Variants in HCN1 observed in about 807,000 individuals in gnomAD.
The protein encoded by HCN1 is hyperpolarization activated cyclic nucleotide gated potassium channel 1, also known as potassium/sodium hyperpolarization-activated cyclic nucleotide-gated channel 1.
A neutral mutation model predicts 78.9 loss-of-function variants in HCN1; 13 were observed. The observed-to-expected ratio is 0.16, with a 90% confidence interval of 0.11 to 0.26. The LOEUF (loss-of-function observed/expected upper bound fraction) is 0.26. Among genes scored for constraint, HCN1 ranks in the 10% least tolerant of loss-of-function variants. The pLI is 1.00. For missense variants in HCN1, 810 were observed against 1,154.3 expected (o/e 0.70, Z 4.32); for synonymous variants, 552 against 455.5 (o/e 1.21, Z -2.70).
At chr5:45,314,622 G>A (rs977903916) in intron 5 of HCN1, among the ~76,000 whole-genome samples, 3 of 152,084 alleles carry the variant, frequency 2.0e-5, no homozygotes, top group African/African-American at 7.2e-5. Flanking sequence ...ACCCATTAAT[G>A]TGCTGTGTTC....
intron 6 of HCN1, among the ~76,000 whole-genome samples, chr5:45,288,704 A>G (rs1745316084): frequency 6.6e-6 from 1 of 152,086 alleles, no homozygotes; most frequent in Non-Finnish European, 1.5e-5. Context: ...AATCGTGCTT[A>G]GGTTCCCTAG....
intron 6 of HCN1, among the ~76,000 whole-genome samples, chr5:45,285,882 A>G (rs1294704217): frequency 3.9e-5 from 6 of 151,942 alleles, no homozygotes; most frequent in Non-Finnish European, 7.4e-5. Context: ...GTTCTGCAGC[A>G]CCTTATGATT....
rs530125584 is a variant in HCN1 at position 45,373,693 on chromosome 5, C to T, written c.1231-20447G>A. Among the ~76,000 whole-genome samples the T allele has an allele frequency of 6.4e-4, 72 of 112,932 alleles. 2 individuals carry two copies. Among genetic ancestry groups the T allele is most frequent in the African/African-American group, 1.7e-3 (48 of 27,706 alleles). 74.1% of individuals were successfully genotyped at this position (112,932 alleles called of 152,430 possible). A position where few individuals can be genotyped will look rare whatever the true frequency, so the allele number is the denominator to read the frequency against. On this transcript the variant is annotated intron_variant, in intron 4 of 7. Coordinates refer to ENST00000303230, the MANE Select transcript of HCN1 (RefSeq NM_021072.4). The stretch of plus-strand genomic sequence containing the variant: ...TACGTCATCTATAATATATTACATA[C>T]GGTATATACGTCATCTATAATATAT...
At chr5:45,630,183 A>G (rs996736304) in intron 2 of HCN1, among the ~76,000 whole-genome samples, 1 of 152,098 alleles carries the variant, frequency 6.6e-6, no homozygotes, top group African/African-American at 2.4e-5. Context: ...ATCAATAGGG[A>G]CCCTGCCTCA....
chr5:45,494,971 G>T (rs1561175904), intron 2 of HCN1, among the ~76,000 whole-genome samples: 1 of 145,094 alleles, frequency 6.9e-6, no homozygotes, highest in Non-Finnish European at 1.5e-5. Context: ...CTCTGTTTTG[G>T]TACCAGTACC....
chr5:45,392,320 A>G (rs1739584747), intron 4 of HCN1, among the ~76,000 whole-genome samples: 1 of 152,184 alleles, frequency 6.6e-6, no homozygotes, highest in South Asian at 2.1e-4. Flanking sequence ...ATGGGCCTTC[A>G]TTTACAAGAA....
chr5:45,358,252 C>T (rs767344898), intron 4 of HCN1, among the ~76,000 whole-genome samples: 23 of 151,826 alleles, frequency 1.5e-4, no homozygotes, highest in South Asian at 2.1e-4. Flanking sequence ...TGAGAACTGA[C>T]GAATAATTGA....
At chr5:45,372,265 ATATATT>A in intron 4 of HCN1, among the ~76,000 whole-genome samples, 1 of 83,516 alleles carries the variant, frequency 1.2e-5, no homozygotes, top group South Asian at 3.5e-4. Context: ...ATATTTATAT[ATATATT>A]TATATATATA....
chr5:45,471,207 G>T (rs1434049339), intron 2 of HCN1, among the ~76,000 whole-genome samples: 1 of 151,750 alleles, frequency 6.6e-6, no homozygotes, highest in Non-Finnish European at 1.5e-5. Flanking sequence ...AAATAAAAAT[G>T]GCCCAAAATC....
chr5:45,622,082 C>A (rs976225284), intron 2 of HCN1, among the ~76,000 whole-genome samples: 2 of 151,832 alleles, frequency 1.3e-5, no homozygotes, highest in African/African-American at 4.8e-5. Context: ...ATTAGCCAGA[C>A]GTGGTGGCGG....
chr5:45,443,979 A>T (rs924818939), intron 3 of HCN1, among the ~76,000 whole-genome samples: 4 of 152,162 alleles, frequency 2.6e-5, no homozygotes, highest in Non-Finnish European at 5.9e-5. Context: ...ATGAACCCAA[A>T]GCAGCTACAC....
At chr5:45,653,300 TCTC>T (rs1207670118) in intron 1 of HCN1, among the ~76,000 whole-genome samples, 4 of 152,102 alleles carry the variant, frequency 2.6e-5, no homozygotes, top group Admixed American at 2.6e-4. Flanking sequence ...TTGGAGTTGA[TCTC>T]CTCTTGTCCC....
At chr5:45,622,586 G>A (rs183609861) in intron 2 of HCN1, among the ~76,000 whole-genome samples, 30 of 152,146 alleles carry the variant, frequency 2.0e-4, no homozygotes, top group Non-Finnish European at 3.4e-4. Context: ...AAAATAGGAA[G>A]CTAGCTGGAT....
At chr5:45,335,603 T>C (rs1746436863) in intron 5 of HCN1, among the ~76,000 whole-genome samples, 1 of 152,032 alleles carries the variant, frequency 6.6e-6, no homozygotes, top group Non-Finnish European at 1.5e-5. Flanking sequence ...CACTTGCAAA[T>C]AACTACATAC....
chr5:45,425,403 T>C (rs1056796562), intron 3 of HCN1, among the ~76,000 whole-genome samples: 1 of 152,222 alleles, frequency 6.6e-6, no homozygotes, highest in Non-Finnish European at 1.5e-5. Flanking sequence ...GTGCATAAAA[T>C]AACTCTAGGA....
At chr5:45,510,575 T>A (rs1742394165) in intron 2 of HCN1, among the ~76,000 whole-genome samples, 1 of 152,054 alleles carries the variant, frequency 6.6e-6, no homozygotes, top group Non-Finnish European at 1.5e-5. Flanking sequence ...GAGTGTAATT[T>A]GACAGGAAAT....
intron 2 of HCN1, among the ~76,000 whole-genome samples, chr5:45,556,451 A>G (rs191499223): frequency 6.6e-6 from 1 of 152,074 alleles, no homozygotes; most frequent in African/African-American, 2.4e-5. Flanking sequence ...TAATTCCTTC[A>G]TGTTATTAGT....
intron 4 of HCN1, among the ~76,000 whole-genome samples, chr5:45,375,848 A>T (rs181084849): frequency 8.6e-6 from 1 of 116,928 alleles, no homozygotes; most frequent in Admixed American, 1.0e-4. Context: ...TATATAATAT[A>T]ATATTTTATG....
chr5:45,525,720 T>C (rs997989452), intron 2 of HCN1, among the ~76,000 whole-genome samples: 27 of 152,032 alleles, frequency 1.8e-4, no homozygotes, highest in African/African-American at 6.5e-4. Flanking sequence ...ACAGAATTAG[T>C]CACCTACATA....
Sources: gnomAD v4.1 joint callset for allele counts (sites outside exome capture counted in the v4.1 genomes callset) on GRCh38, gnomAD v4.1.1 for gene constraint, MANE v1.5 for transcripts, NCBI Gene and HGNC (gene_info 2026-07-23, HGNC 2026-07-21) for gene names.